DNAH9: variants seen among roughly 807,000 people sequenced by gnomAD.
DNAH9 encodes the protein dynein axonemal heavy chain 9, also known as DNAH9 variant protein.
Under a neutral mutation model 471.6 loss-of-function variants are expected in DNAH9, and 345 were observed. That is an observed-to-expected ratio of 0.73 (90% CI 0.67 to 0.80). The LOEUF (loss-of-function observed/expected upper bound fraction) is 0.80, where lower values mean the gene tolerates loss of function less well. Among genes scored for constraint, DNAH9 ranks in the 30% least tolerant of loss-of-function variants. The probability of loss-of-function intolerance (pLI) is 0.00; values close to 1 mark genes in which losing one functional copy is unlikely to be tolerated. For missense variants in DNAH9, 5,407 were observed against 5,609.2 expected (o/e 0.96, Z 1.15); for synonymous variants, 2,093 against 2,123.6 (o/e 0.99, Z 0.40).
intron 26 of DNAH9, among the ~76,000 whole-genome samples, chr17:11,709,448 A>G (rs2074793973): frequency 6.6e-6 from 1 of 152,250 alleles, no homozygotes; most frequent in African/African-American, 2.4e-5. Flanking sequence ...AAAAGCATTC[A>G]GCTTTTACTG....
intron 50 of DNAH9, among the ~76,000 whole-genome samples, chr17:11,859,916 G>C (rs1361255610): frequency 1.3e-5 from 2 of 152,244 alleles, no homozygotes; most frequent in Middle Eastern, 3.4e-3. Flanking sequence ...CTGAGATTTG[G>C]AGGAGACAGA....
rs578027509 is a variant in DNAH9 at position 11,620,933 on chromosome 17, G to A, written c.1350+1152G>A. On this transcript the variant is annotated intron_variant, in intron 6 of 68. Transcript: ENST00000262442. ...ATATGGATTTTAGGTGAAGTACTACGGTGAGAAGACATGATACTATTTCTT... is the reference window on the plus strand; with the variant it reads ...ATATGGATTTTAGGTGAAGTACTACAGTGAGAAGACATGATACTATTTCTT... Among the ~76,000 whole-genome samples the A allele has an allele frequency of 5.3e-4, 80 of 152,164 alleles. 2 individuals carry two copies. The highest frequency in any genetic ancestry group is 1.8e-3 in the African/African-American group (73 of 41,512).
At chr17:11,691,317 A>G (rs2074329147) in intron 20 of DNAH9, among the ~76,000 whole-genome samples, 1 of 152,216 alleles carries the variant, frequency 6.6e-6, no homozygotes, top group Non-Finnish European at 1.5e-5. Context: ...TTCATCTCAA[A>G]TGCCAGTGAT....
At chr17:11,738,053 G>C (rs1302697598) in intron 28 of DNAH9, among the ~76,000 whole-genome samples, 1 of 152,210 alleles carries the variant, frequency 6.6e-6, no homozygotes, top group African/African-American at 2.4e-5. Flanking sequence ...GAAAGCACAG[G>C]CTGCAGGATC....
At position 11,606,443 on chromosome 17, in the gene DNAH9, C is replaced by CTTTTTTTTTTTTTTTTTTTTTTTTTTTT. The variant is rs1404986645; in HGVS notation, c.418-1682_418-1681insTTTTTTTTTTTTTTTTTTTTTTTTTTTT. ...CTGACAACTTTCTTTCTTTTCTTTT[C>CTTTTTTTTTTTTTTTTTTTTTTTTTTTT]TTTTCTTTTCTTTTTTTTTTTTTTG... On this transcript the variant is annotated intron_variant, in intron 1 of 68. Transcript: ENST00000262442. 2.9e-5 allele frequency among the ~76,000 whole-genome samples: 2 copies of CTTTTTTTTTTTTTTTTTTTTTTTTTTTT among 69,124 alleles called. 1 individual carries two copies. 45.3% of individuals were successfully genotyped at this position (69,124 alleles called of 152,430 possible).
rs1272723821 is a variant in DNAH9, at chr17:11,799,168, T to C, written c.8420+1375T>C. Among the ~76,000 whole-genome samples the C allele has an allele frequency of 2.0e-5, 3 of 152,060 alleles. No individual in the cohort carries two copies. In the East Asian group the frequency reaches 5.8e-4, roughly 29 times the overall value. On this transcript the variant is annotated intron_variant, in intron 43 of 68. Coordinates refer to ENST00000262442, the MANE Select transcript of DNAH9 (RefSeq NM_001372.4). ...AGTTCTCACTTTCATGTTCCTATAA[T>C]AGGAACCCACCTTCAAAATCCCAAC...
intron 31 of DNAH9, among the ~76,000 whole-genome samples, chr17:11,745,375 A>G (rs1035598819): frequency 3.9e-5 from 6 of 152,194 alleles, no homozygotes; most frequent in Non-Finnish European, 8.8e-5. Flanking sequence ...AAATGAAAGG[A>G]CAAAGACAGA....
At chr17:11,658,985 G>C (rs962080783) in intron 14 of DNAH9, among the ~76,000 whole-genome samples, 2 of 152,004 alleles carry the variant, frequency 1.3e-5, no homozygotes, top group African/African-American at 4.8e-5. Flanking sequence ...TCGGTGTTAA[G>C]ATTATGCTAG....
chr17:11,864,247 A>G (rs1413458082), intron 50 of DNAH9, among the ~76,000 whole-genome samples: 73 of 147,460 alleles, frequency 5.0e-4, no homozygotes, highest in African/African-American at 7.2e-4. Context: ...GTTTCAAAGA[A>G]CATCTTTATT....
At chr17:11,750,509 C>T (rs1240097204) in intron 32 of DNAH9, among the ~76,000 whole-genome samples, 1 of 151,910 alleles carries the variant, frequency 6.6e-6, no homozygotes, top group Non-Finnish European at 1.5e-5. Flanking sequence ...GTAACATTTC[C>T]AAAAATTAAA....
chr17:11,773,744 G>A (rs956426752), intron 38 of DNAH9, among the ~76,000 whole-genome samples: 4 of 152,178 alleles, frequency 2.6e-5, no homozygotes, highest in African/African-American at 9.7e-5. Context: ...CAAAAGTACA[G>A]AAAACAATAT....
intron 6 of DNAH9, among the ~76,000 whole-genome samples, chr17:11,620,587 A>T (rs2072837619): frequency 6.6e-6 from 1 of 151,932 alleles, no homozygotes; most frequent in African/African-American, 2.4e-5. Flanking sequence ...AATAGTGGTT[A>T]TAGTAGAAGT....
intron 38 of DNAH9, among the ~76,000 whole-genome samples, chr17:11,772,741 A>G (rs1968259552): frequency 6.6e-6 from 1 of 152,158 alleles, no homozygotes; most frequent in South Asian, 2.1e-4. Flanking sequence ...CTTGAAGCCA[A>G]CCCTCCTAGC....
chr17:11,712,583 A>C (rs1339608584), intron 26 of DNAH9, among the ~76,000 whole-genome samples: 1 of 152,106 alleles, frequency 6.6e-6, no homozygotes, highest in Non-Finnish European at 1.5e-5. Context: ...GACAATATTT[A>C]CTATTGTCCG....
At position 11,817,067 on chromosome 17, in the gene DNAH9, T is replaced by A. The variant is rs747247239; in HGVS notation, c.8708-4853T>A. On this transcript the variant is annotated intron_variant, in intron 45 of 68. Transcript: ENST00000262442. ...GAGCGAGCCGTCTCAAAAAAAAAAA[T>A]AATAATAATAATGTTTCCGAACTTT... Among the ~76,000 whole-genome samples the A allele has an allele frequency of 2.9e-3, 416 of 145,960 alleles. 1 individual carries two copies. The highest frequency in any genetic ancestry group is 4.3e-3 in the African/African-American group (156 of 36,110).
intron 67 of DNAH9, among the ~76,000 whole-genome samples, chr17:11,958,983 T>G (rs568684848): frequency 2.6e-5 from 4 of 152,114 alleles, no homozygotes; most frequent in Admixed American, 6.5e-5. Context: ...GATTCAAAAA[T>G]CAGTCAGTGA....
intron 26 of DNAH9, among the ~76,000 whole-genome samples, chr17:11,710,970 A>G (rs939819862): frequency 3.3e-5 from 5 of 152,056 alleles, no homozygotes; most frequent in Admixed American, 2.6e-4. Context: ...CAGGGTTTAA[A>G]CTCTCTCATA....
chr17:11,905,412 G>A (rs1973560735), intron 60 of DNAH9, among the ~76,000 whole-genome samples: 1 of 152,140 alleles, frequency 6.6e-6, no homozygotes, highest in Non-Finnish European at 1.5e-5. Context: ...CCCTGAGGGA[G>A]TCAGCGATGG....
chr17:11,939,374 A>G (rs1456432001), intron 66 of DNAH9, among the ~76,000 whole-genome samples: 1 of 152,196 alleles, frequency 6.6e-6, no homozygotes, highest in African/African-American at 2.4e-5. Flanking sequence ...TCATTTCCTT[A>G]TCCCCTCCCC....
Sources: allele counts gnomAD v4.1 joint callset (sites outside exome capture counted in the v4.1 genomes callset), GRCh38; gene constraint gnomAD v4.1.1; transcripts MANE v1.5; gene names NCBI Gene and HGNC (gene_info 2026-07-23, HGNC 2026-07-21).